The following BRINP1 variants were observed in gnomAD, a reference collection of about 807,000 sequenced individuals.
BRINP1 encodes BMP/retinoic acid inducible neural specific 1, also known as BMP/retinoic acid-inducible neural-specific protein 1.
In BRINP1, 17 loss-of-function variants were observed where a neutral mutation model predicts 72.9. The ratio of observed to expected loss-of-function variants is 0.23; its 90% CI spans 0.16 to 0.35. BRINP1 has a LOEUF of 0.35. BRINP1 is among the 10% of genes least tolerant of loss of function. The pLI is 1.00. For missense variants in BRINP1, 850 were observed against 1,001.6 expected, an observed-to-expected ratio of 0.85 and a Z score of 2.04; for synonymous variants, 418 against 378.5, an observed-to-expected ratio of 1.10 and a Z score of -1.21.
chr9:119,280,228 A>G (rs190998273), intron 2 of BRINP1, among the ~76,000 whole-genome samples: 1 of 145,542 alleles, frequency 6.9e-6, no homozygotes, highest in Non-Finnish European at 1.5e-5. Flanking sequence ...ACATGGATGA[A>G]ATAAGTAGTT....
chr9:119,197,154 C>T (rs1357542421), intron 7 of BRINP1, among the ~76,000 whole-genome samples: 1 of 152,188 alleles, frequency 6.6e-6, no homozygotes, highest in East Asian at 1.9e-4. Flanking sequence ...ACAGAAGATG[C>T]AGTAAAGGCA....
At chr9:119,201,541 TAC>T (rs1388180244) in intron 7 of BRINP1, among the ~76,000 whole-genome samples, 1 of 152,166 alleles carries the variant, frequency 6.6e-6, no homozygotes, top group Non-Finnish European at 1.5e-5. Context: ...TAAGGTGAGG[TAC>T]AATTTTTTCA....
chr9:119,264,235 T>C (rs528201285), intron 2 of BRINP1, among the ~76,000 whole-genome samples: 1 of 152,238 alleles, frequency 6.6e-6, no homozygotes, highest in African/African-American at 2.4e-5. Context: ...ATCAGTAGCA[T>C]GTCGGGTAAG....
At chr9:119,301,875 C>T (rs58009405) in intron 2 of BRINP1, among the ~76,000 whole-genome samples, 5,101 of 152,196 alleles carry the variant, frequency 0.034, 284 homozygotes, top group African/African-American at 0.12. Context: ...AAGACAGTTT[C>T]CTCTCTCACC....
intron 1 of BRINP1, among the ~76,000 whole-genome samples, chr9:119,349,685 GT>G (rs1342733201): frequency 4.6e-5 from 7 of 152,178 alleles, no homozygotes; most frequent in African/African-American, 1.7e-4. Flanking sequence ...AATGTGGAAT[GT>G]TTTTGTGCTT....
At chr9:119,186,827 GTTC>G (rs1316794315) in intron 7 of BRINP1, among the ~76,000 whole-genome samples, 3 of 152,090 alleles carry the variant, frequency 2.0e-5, no homozygotes, top group African/African-American at 7.2e-5. Flanking sequence ...GCCATTCCTG[GTTC>G]TTGTTTCTAC....
intron 1 of BRINP1, among the ~76,000 whole-genome samples, chr9:119,355,532 T>TTA (rs1831553503): frequency 2.0e-5 from 3 of 151,978 alleles, no homozygotes; most frequent in African/African-American, 4.8e-5. Flanking sequence ...ATTGAGACCA[T>TTA]CCTGGCTAAC....
intron 6 of BRINP1, among the ~76,000 whole-genome samples, chr9:119,209,768 G>A (rs1315196532): frequency 6.6e-6 from 1 of 152,194 alleles, no homozygotes; most frequent in Admixed American, 6.5e-5. Context: ...CAATTAGCAA[G>A]TGTTAGGTGT....
intron 7 of BRINP1, among the ~76,000 whole-genome samples, chr9:119,187,566 CTT>C (rs58815606): frequency 0.13 from 19,356 of 151,582 alleles, 2,259 homozygotes; most frequent in African/African-American, 0.32. Context: ...AGGGGAATGT[CTT>C]TTTCTATGAG....
intron 1 of BRINP1, among the ~76,000 whole-genome samples, chr9:119,346,538 A>C (rs976797100): frequency 6.6e-6 from 1 of 152,198 alleles, no homozygotes; most frequent in Non-Finnish European, 1.5e-5. Flanking sequence ...TCAAATTTTG[A>C]CACCAAATTT....
At chr9:119,173,185 T>G (rs948432510) in intron 7 of BRINP1, among the ~76,000 whole-genome samples, 5 of 150,350 alleles carry the variant, frequency 3.3e-5, no homozygotes, top group African/African-American at 1.2e-4. Flanking sequence ...AAAGAGGAAG[T>G]CAAATTGTCC....
intron 4 of BRINP1, among the ~76,000 whole-genome samples, 158 bp from the exon 5 acceptor site, chr9:119,238,918 G>A (rs1830218686): frequency 6.6e-6 from 1 of 152,210 alleles, no homozygotes; most frequent in Admixed American, 6.5e-5. Context: ...CTGGGACCAA[G>A]CACAGCTGTC....
intron 5 of BRINP1, among the ~76,000 whole-genome samples, chr9:119,237,744 T>G (rs572875406): frequency 6.6e-6 from 1 of 152,032 alleles, no homozygotes; most frequent in African/African-American, 2.4e-5. Flanking sequence ...TCACTGCAAT[T>G]TCGGCCTCCT....
At chr9:119,360,488 C>G (rs560338547) in intron 1 of BRINP1, among the ~76,000 whole-genome samples, 2 of 151,332 alleles carry the variant, frequency 1.3e-5, no homozygotes, top group East Asian at 4.1e-4. Flanking sequence ...TTTCACAGCT[C>G]TCTGTTTGCT....
chr9:119,223,928 A>G (rs1221533568), intron 5 of BRINP1, among the ~76,000 whole-genome samples: 1 of 152,038 alleles, frequency 6.6e-6, no homozygotes, highest in Non-Finnish European at 1.5e-5. Context: ...ATAATTTGTT[A>G]TGGATCCATT....
chr9:119,327,988 A>G (rs961882632), intron 1 of BRINP1, among the ~76,000 whole-genome samples: 2 of 152,210 alleles, frequency 1.3e-5, no homozygotes, highest in African/African-American at 2.4e-5. Context: ...GATTAGAACT[A>G]CAGGAGTGGA....
chr9:119,266,224 A>G (rs930969478), intron 2 of BRINP1, among the ~76,000 whole-genome samples: 3 of 152,152 alleles, frequency 2.0e-5, no homozygotes, highest in Admixed American at 1.3e-4. Flanking sequence ...TTCCAGGCAA[A>G]GGGAGGAGCA....
intron 2 of BRINP1, among the ~76,000 whole-genome samples, chr9:119,290,214 C>G (rs1166776092): frequency 6.6e-6 from 1 of 152,160 alleles, no homozygotes; most frequent in African/African-American, 2.4e-5. Flanking sequence ...CTATGGCTGC[C>G]TGACCTAAGG....
At chr9:119,228,174 T>C (rs1420559159) in intron 5 of BRINP1, among the ~76,000 whole-genome samples, 11 of 151,910 alleles carry the variant, frequency 7.2e-5, no homozygotes, top group African/African-American at 2.7e-4. Flanking sequence ...TCCACACTTC[T>C]TTCTCTTCCT....
Sources: allele counts gnomAD v4.1 joint callset (sites outside exome capture counted in the v4.1 genomes callset), GRCh38; gene constraint gnomAD v4.1.1; transcripts MANE v1.5; gene names NCBI Gene and HGNC (gene_info 2026-07-23, HGNC 2026-07-21).